TSHZ1: variants seen among roughly 807,000 people sequenced by gnomAD.
The protein encoded by TSHZ1 is teashirt zinc finger homeobox 1.
In TSHZ1, 12 loss-of-function variants were observed where a neutral mutation model predicts 67.1. That is an observed-to-expected ratio of 0.18 (90% CI 0.11 to 0.29). The LOEUF is 0.29. Ranked by LOEUF, TSHZ1 falls within the 10% of genes least tolerant of loss-of-function variation. The pLI is 1.00. For synonymous variants in TSHZ1, 632 were observed against 622.4 expected, an observed-to-expected ratio of 1.02 and a Z score of -0.23; for missense variants, 1,305 against 1,413.9, an observed-to-expected ratio of 0.92 and a Z score of 1.23.
Position 75,286,641 on chromosome 18 carries a change from A to G in TSHZ1, c.1234A>G (p.Lys412Glu). Residue 412 changes from lysine to glutamate, a missense_variant, in exon 2 of 2, where the codon AAG becomes GAG. Physicochemically the swap from Lys to Glu is moderately conservative, Grantham distance 56. Coordinates refer to ENST00000580243, the MANE Select transcript of TSHZ1 (RefSeq NM_001308210.2). The surrounding 1 kb of genome is among the most constrained non-coding windows in gnomAD (Gnocchi z 5.1). ...ASYTWQFEAR[K>E]AQILKCMECG... ...CTACACCTGGCAGTTTGAGGCCCGCAAGGCGCAGATCCTCAAGTGCATGGA... is the reference window on the plus strand; with the variant it reads ...CTACACCTGGCAGTTTGAGGCCCGCGAGGCGCAGATCCTCAAGTGCATGGA... The G allele has an allele frequency of 6.2e-7, 1 of 1,614,206 alleles. No individual in the cohort carries two copies. The highest frequency in any genetic ancestry group is 8.5e-7 in the Non-Finnish European group (1 of 1,180,038).
chr18:75,286,012 C>G lies in TSHZ1; in HGVS notation c.605C>G (p.Ala202Gly), dbSNP rs1404996531. 1.2e-6 allele frequency: 2 copies of G among 1,609,912 alleles called. No homozygotes were observed. The highest frequency in any genetic ancestry group is 3.4e-5 in the Admixed American group (2 of 59,670). ...SSSSGYDWHQ[A>G]ALAKTLQQTS... ...AGCTCCGGGTACGACTGGCACCAGGCTGCACTGGCCAAGACGCTGCAGCAG... is the reference window on the plus strand; with the variant it reads ...AGCTCCGGGTACGACTGGCACCAGGGTGCACTGGCCAAGACGCTGCAGCAG... The change falls in exon 2 of 2, where the codon GCT (alanine) becomes GGT (glycine). Residue 202 changes from alanine to glycine, a missense_variant. By Grantham distance (60) the Ala-to-Gly change is moderately conservative. Transcript: ENST00000580243. The surrounding 1 kb of genome is among the most constrained non-coding windows in gnomAD (Gnocchi z 5.1).
Position 75,287,449 on chromosome 18 carries a change from C to T in TSHZ1, c.2042C>T (p.Pro681Leu), listed in dbSNP as rs111787453. Reference protein sequence around the residue: ...SPIAKENKDFPKTEEVSGKPQ... With the variant: ...SPIAKENKDFLKTEEVSGKPQ... ...ATAGCAAAAGAGAATAAAGATTTCC[C>T]GAAAACGGAGGAAGTCAGCGGCAAA... The change falls in exon 2 of 2, where the codon CCG (proline) becomes CTG (leucine). Residue 681 changes from proline (P) to leucine (L), a missense_variant. Pro to Leu is a moderately conservative substitution (Grantham distance 98, BLOSUM62 -3). Around this residue, in one of 3 missense-constraint regions of TSHZ1, gnomAD observed 909 missense variants for 961.8 expected, o/e 0.95. Coordinates refer to ENST00000580243, the MANE Select transcript of TSHZ1 (RefSeq NM_001308210.2). This position sits in a 1 kb window ranked among gnomAD's most constrained non-coding sequence, Gnocchi z 5.0. 1,459 of 1,614,166 alleles carry T rather than the reference C, an allele frequency of 9.0e-4. 11 individuals carry two copies. The highest frequency in any genetic ancestry group is 5.5e-4 in the Admixed American group (33 of 60,028).
chr18:75,226,550 G>A (rs1178343708), intron 1 of TSHZ1, among the ~76,000 whole-genome samples: 1 of 151,102 alleles, frequency 6.6e-6, no homozygotes, highest in Non-Finnish European at 1.5e-5. Context: ...AGTGTAAGCT[G>A]TCGTTCAATC....
Position 75,286,491 on chromosome 18 carries a change from C to T in TSHZ1, c.1084C>T (p.Pro362Ser), listed in dbSNP as rs1185658846. ...GCGGGCGCTTCAGGACCTGGCGCCC[C>T]CCTGCTCCCCTGAGCCAGCAGGAAT... ...KKRALQDLAPPCSPEPAGMAA... is the reference protein window; with the variant it reads ...KKRALQDLAPSCSPEPAGMAA... The change falls in exon 2 of 2, where the codon CCC becomes TCC. Residue 362 changes from proline (P) to serine (S), a missense_variant. Physicochemically the swap from Pro to Ser is moderately conservative, Grantham distance 74 (BLOSUM62 -1). Coordinates refer to ENST00000580243, the MANE Select transcript of TSHZ1 (RefSeq NM_001308210.2). This position sits in a 1 kb window ranked among gnomAD's most constrained non-coding sequence, Gnocchi z 5.1. The T allele has an allele frequency of 1.2e-6, 2 of 1,614,086 alleles. No individual in the cohort carries two copies. The highest frequency in any genetic ancestry group is 1.7e-6 in the Non-Finnish European group (2 of 1,180,050).
rs1437533664 is a variant in TSHZ1 at position 75,286,071 on chromosome 18, C to T, written c.664C>T (p.Leu222=). 6.2e-7 allele frequency: 1 copy of T among 1,612,876 alleles called. No homozygotes were observed. The highest frequency in any genetic ancestry group is 8.5e-7 in the Non-Finnish European group (1 of 1,179,140). ...SSYGLLPEPS[L]FSTVQLYRQN... is the part of the protein sequence containing the mutation. ...GTATGGGCTGCTTCCTGAGCCCAGC[C>T]TGTTCAGCACCGTGCAGCTCTACCG... The change falls in exon 2 of 2, where the codon CTG becomes TTG. Residue 222 remains leucine, a synonymous_variant. Transcript: ENST00000580243. This position sits in a 1 kb window ranked among gnomAD's most constrained non-coding sequence, Gnocchi z 5.1.
chr18:75,289,363 T>G lies in TSHZ1; in HGVS notation c.*722T>G, dbSNP rs76192916. On this transcript the variant is annotated 3_prime_UTR_variant, in exon 2 of 2. Transcript: ENST00000580243. ...ATGCCACTTTCGGCAAAAAAAAAAG[T>G]ATGCAAGCTATTATTTAAAAATGTG... The G allele has an allele frequency of 6.0e-6, 1 of 166,806 alleles. No homozygotes were observed. The highest frequency in any genetic ancestry group is 1.5e-5 in the Non-Finnish European group (1 of 68,112). The allele number at this position is 166,806 out of a possible 1,614,324, so 10.3% of individuals were successfully genotyped here.
intron 1 of TSHZ1, among the ~76,000 whole-genome samples, chr18:75,231,567 G>T (rs1407470966): frequency 6.6e-6 from 1 of 151,996 alleles, no homozygotes; most frequent in Admixed American, 6.6e-5. Flanking sequence ...ACAGAGTCTC[G>T]CTCTGTCCCC....
chr18:75,236,011 A>ATGATAGGAAGCGTGCG (rs1332124018), intron 1 of TSHZ1, among the ~76,000 whole-genome samples: 7 of 152,182 alleles, frequency 4.6e-5, no homozygotes, highest in Admixed American at 2.0e-4. Flanking sequence ...GCAAGCTTGC[A>ATGATAGGAAGCGTGCG]TGATAGGAAG....
Position 75,285,567 on chromosome 18 carries a change from A to G in TSHZ1, c.160A>G (p.Lys54Glu). ...CATGTGCAATGAAGAGACGGAGATC[A>G]AAGAGGCGCAGAGCTACCAGAACTC... ...EYMCNEETEI[K>E]EAQSYQNSPV... Residue 54 changes from lysine (K) to glutamate (E), a missense_variant, in exon 2 of 2, where the codon AAA (lysine) becomes GAA (glutamate). Coordinates refer to ENST00000580243, the MANE Select transcript of TSHZ1 (RefSeq NM_001308210.2). The G allele has an allele frequency of 6.3e-7, 1 of 1,594,888 alleles. No homozygotes were observed. Among genetic ancestry groups the G allele is most frequent in the African/African-American group, 1.3e-5 (1 of 74,594 alleles).
At chr18:75,263,015 A>G (rs2023449207) in intron 1 of TSHZ1, among the ~76,000 whole-genome samples, 1 of 152,202 alleles carries the variant, frequency 6.6e-6, no homozygotes, top group Non-Finnish European at 1.5e-5. Flanking sequence ...TCGTATGATT[A>G]AGACAAGAGG....
At chr18:75,229,550 G>A (rs964372237) in intron 1 of TSHZ1, among the ~76,000 whole-genome samples, 7 of 152,178 alleles carry the variant, frequency 4.6e-5, no homozygotes, top group East Asian at 1.9e-4. Context: ...AGTCCAGCAC[G>A]GTTCCTGGCT....
chr18:75,259,198 A>G (rs925953796), intron 1 of TSHZ1, among the ~76,000 whole-genome samples: 1 of 152,154 alleles, frequency 6.6e-6, no homozygotes, highest in Non-Finnish European at 1.5e-5. Context: ...ATAAGTCGCG[A>G]TCATTGCTCC....
chr18:75,221,915 A>G (rs7237930), intron 1 of TSHZ1, among the ~76,000 whole-genome samples: 51,263 of 151,840 alleles, frequency 0.34, 8,731 homozygotes, highest in African/African-American at 0.38. Flanking sequence ...GAATATATAC[A>G]TATGTATATA....
chr18:75,264,089 T>C (rs1008243779), intron 1 of TSHZ1, among the ~76,000 whole-genome samples: 6 of 152,228 alleles, frequency 3.9e-5, no homozygotes, highest in Admixed American at 2.0e-4. Context: ...AGCGTTATTT[T>C]ATAGACTGGA....
At chr18:75,261,243 T>C (rs1214971539) in intron 1 of TSHZ1, among the ~76,000 whole-genome samples, 1 of 152,180 alleles carries the variant, frequency 6.6e-6, no homozygotes, top group East Asian at 1.9e-4. Context: ...ACTGTATCTC[T>C]TAAGAGACTT....
At chr18:75,235,669 T>G (rs1226262098) in intron 1 of TSHZ1, among the ~76,000 whole-genome samples, 1 of 152,224 alleles carries the variant, frequency 6.6e-6, no homozygotes, top group Non-Finnish European at 1.5e-5. Flanking sequence ...GTTATCAATA[T>G]TAACTTCATA....
chr18:75,278,793 T>A (rs2023647085), intron 1 of TSHZ1, among the ~76,000 whole-genome samples: 1 of 152,064 alleles, frequency 6.6e-6, no homozygotes, highest in African/African-American at 2.4e-5. Context: ...TGGCTCCAGT[T>A]ACTATTATTA....
intron 1 of TSHZ1, among the ~76,000 whole-genome samples, chr18:75,212,222 C>A (rs917013824): frequency 6.6e-6 from 1 of 152,152 alleles, no homozygotes; most frequent in Non-Finnish European, 1.5e-5. Flanking sequence ...CAGGAGGGGG[C>A]GTGCGCTGAG....
chr18:75,255,404 A>C (rs2023350869), intron 1 of TSHZ1, among the ~76,000 whole-genome samples: 1 of 152,224 alleles, frequency 6.6e-6, no homozygotes, highest in East Asian at 1.9e-4. Flanking sequence ...AATAGGAAAC[A>C]AATATGCTAA....
Sources: gnomAD v4.1 joint callset for allele counts (sites outside exome capture counted in the v4.1 genomes callset) on GRCh38, gnomAD v4.1.1 for gene constraint, gnomAD v4.1.1 regional missense constraint, Gnocchi (gnomAD v3.1) non-coding constraint, MANE v1.5 for transcripts, NCBI Gene and HGNC (gene_info 2026-07-23, HGNC 2026-07-21) for gene names.